The following CALN1 variants were observed in gnomAD, a reference collection of about 807,000 sequenced individuals.
The protein encoded by CALN1 is calneuron 1, also known as calcium-binding protein 8.
CALN1 carries 17 observed loss-of-function variants against 30.6 expected under a neutral mutation model. The ratio of observed to expected loss-of-function variants is 0.56; its 90% CI spans 0.38 to 0.83. CALN1 has a LOEUF of 0.83. Among genes scored for constraint, CALN1 ranks in the 40% least tolerant of loss-of-function variants. CALN1 has a pLI of 0.00. For synonymous variants in CALN1, 156 were observed against 131.4 expected, an observed-to-expected ratio of 1.19 and a Z score of -1.28; for missense variants, 291 against 354.9, an observed-to-expected ratio of 0.82 and a Z score of 1.45.
chr7:72,050,685 T>C (rs1054684658), intron 4 of CALN1, among the ~76,000 whole-genome samples: 1 of 152,188 alleles, frequency 6.6e-6, no homozygotes, highest in Non-Finnish European at 1.5e-5. Flanking sequence ...TTTTCAGATG[T>C]AATTCATAAC....
At chr7:71,793,316 C>CAA (rs1005946042) in intron 6 of CALN1, among the ~76,000 whole-genome samples, 3 of 149,968 alleles carry the variant, frequency 2.0e-5, no homozygotes, top group Admixed American at 1.3e-4. Flanking sequence ...CAAAACAAAA[C>CAA]AAAAAAAAAG....
intron 3 of CALN1, among the ~76,000 whole-genome samples, chr7:72,273,813 A>G (rs1363697050): frequency 6.6e-6 from 1 of 152,062 alleles, no homozygotes; most frequent in Non-Finnish European, 1.5e-5. Context: ...GTGCCTGGCC[A>G]AAGTTAGACT....
chr7:72,191,552 CAAAAAAAAAA>C lies in CALN1; in HGVS notation c.245-85268_245-85259del, dbSNP rs55780039. On this transcript the variant is annotated intron_variant, in intron 3 of 6. Transcript: ENST00000395275. Reference sequence around the variant, plus strand: ...AGGAGGCAGAGGTGAGACTCCGTCTCAAAAAAAAAAAAAAAAAAAAAAAAAAGAATGGCAG... The same window carrying C: ...AGGAGGCAGAGGTGAGACTCCGTCTCAAAAAAAAAAAAAAAAGAATGGCAG... Among the ~76,000 whole-genome samples, 30 of 72,480 alleles carry C rather than the reference CAAAAAAAAAA, an allele frequency of 4.1e-4. 1 individual carries two copies. Among genetic ancestry groups the C allele is most frequent in the South Asian group, 9.7e-4 (2 of 2,068 alleles). The allele number at this position is 72,480 out of a possible 152,430, so 47.5% of individuals were successfully genotyped here. A position where few individuals can be genotyped will look rare whatever the true frequency, so the allele number is the denominator to read the frequency against.
intron 5 of CALN1, among the ~76,000 whole-genome samples, chr7:71,895,661 T>TG (rs1793495590): frequency 6.6e-6 from 1 of 152,294 alleles, no homozygotes; most frequent in Admixed American, 6.5e-5. Context: ...GTAAGAGTTA[T>TG]GACAGAATGA....
chr7:71,826,346 A>G (rs1223805909), intron 5 of CALN1, among the ~76,000 whole-genome samples: 2 of 152,170 alleles, frequency 1.3e-5, no homozygotes, highest in Non-Finnish European at 2.9e-5. Context: ...ATTGACTCCC[A>G]CAGTCTAGAA....
At chr7:72,380,019 G>T (rs1319264968) in intron 2 of CALN1, among the ~76,000 whole-genome samples, 1 of 152,226 alleles carries the variant, frequency 6.6e-6, no homozygotes, top group Non-Finnish European at 1.5e-5. Context: ...AATAGATGGA[G>T]AAGTATTATA....
At chr7:72,031,728 T>C (rs1801450328) in intron 4 of CALN1, among the ~76,000 whole-genome samples, 1 of 145,342 alleles carries the variant, frequency 6.9e-6, no homozygotes, top group Non-Finnish European at 1.5e-5. Context: ...CCACCACGCC[T>C]GGCTAATTTT....
At chr7:71,898,938 G>T (rs1237030189) in intron 5 of CALN1, among the ~76,000 whole-genome samples, 2 of 152,102 alleles carry the variant, frequency 1.3e-5, no homozygotes, top group African/African-American at 4.8e-5. Flanking sequence ...TTAGAAATTA[G>T]AAGACAAAAT....
chr7:71,903,645 AAAGACTCTTTTGGGT>A (rs148482717), intron 5 of CALN1, among the ~76,000 whole-genome samples: 10 of 152,330 alleles, frequency 6.6e-5, no homozygotes, highest in African/African-American at 2.2e-4. Context: ...TGGTCTGGGC[AAAGACTCTTTTGGGT>A]AAGACCTCAA....
intron 4 of CALN1, among the ~76,000 whole-genome samples, chr7:72,079,854 T>A (rs1805009663): frequency 7.3e-6 from 1 of 136,490 alleles, no homozygotes; most frequent in Non-Finnish European, 1.5e-5. Flanking sequence ...CACTGCAGCC[T>A]CCACCTCCTG....
At chr7:72,240,445 T>C (rs1274308958) in intron 3 of CALN1, among the ~76,000 whole-genome samples, 1 of 152,168 alleles carries the variant, frequency 6.6e-6, no homozygotes, top group East Asian at 1.9e-4. Context: ...TTCTCCAGCC[T>C]TGGCCTCCCA....
chr7:71,895,597 T>A (rs1163614497), intron 5 of CALN1, among the ~76,000 whole-genome samples: 2 of 152,188 alleles, frequency 1.3e-5, no homozygotes, highest in Non-Finnish European at 2.9e-5. Context: ...TTTTATGGGG[T>A]CTAAATTCTG....
intron 4 of CALN1, among the ~76,000 whole-genome samples, chr7:72,048,721 CTT>C (rs1336646220): frequency 1.4e-5 from 2 of 144,396 alleles, no homozygotes; most frequent in Admixed American, 6.8e-5. Flanking sequence ...CTTTTTCCCT[CTT>C]CTTTCCTTCC....
At chr7:71,874,241 C>G (rs1261746825) in intron 5 of CALN1, among the ~76,000 whole-genome samples, 1 of 147,190 alleles carries the variant, frequency 6.8e-6, no homozygotes, top group Non-Finnish European at 1.5e-5. Context: ...CACCACTGCA[C>G]TCCAGCCTGG....
chr7:72,288,077 C>T (rs561965178), intron 2 of CALN1, among the ~76,000 whole-genome samples: 1 of 151,874 alleles, frequency 6.6e-6, no homozygotes, highest in African/African-American at 2.4e-5. Context: ...TCAGGAGCTG[C>T]TTAAGCTGGG....
chr7:72,003,592 T>C (rs1469590203), intron 5 of CALN1, among the ~76,000 whole-genome samples: 1 of 152,168 alleles, frequency 6.6e-6, no homozygotes, highest in Non-Finnish European at 1.5e-5. Flanking sequence ...TGAATGTTAT[T>C]GTGAACTACA....
rs192189614 is a variant in CALN1, at chr7:72,270,042, A to G, written c.244+8644T>C. Among the ~76,000 whole-genome samples the G allele has an allele frequency of 5.3e-5, 8 of 152,260 alleles. No individual in the cohort carries two copies. The East Asian group carries it at 9.6e-4, about 18-fold the overall frequency. Reference sequence around the variant, plus strand: ...ATCTCACCAAAGAAATGGGAACTATAAAAAAGAACCAAATGAAAATTCTAG... The same window carrying G: ...ATCTCACCAAAGAAATGGGAACTATGAAAAAGAACCAAATGAAAATTCTAG... On this transcript the variant is annotated intron_variant, in intron 3 of 6. Transcript: ENST00000395275.
At chr7:71,830,969 G>A (rs1282124100) in intron 5 of CALN1, among the ~76,000 whole-genome samples, 1 of 152,178 alleles carries the variant, frequency 6.6e-6, no homozygotes, top group Non-Finnish European at 1.5e-5. Flanking sequence ...AAGCTCCTTT[G>A]TGTCACTTTT....
intron 2 of CALN1, among the ~76,000 whole-genome samples, chr7:72,304,133 G>T (rs1232638858): frequency 1.3e-5 from 2 of 152,268 alleles, no homozygotes; most frequent in Non-Finnish European, 2.9e-5. Flanking sequence ...CCGTCTTTCA[G>T]ACTGGGAGGT....
Sources: allele counts gnomAD v4.1 joint callset (sites outside exome capture counted in the v4.1 genomes callset), GRCh38; gene constraint gnomAD v4.1.1; transcripts MANE v1.5; gene names NCBI Gene and HGNC (gene_info 2026-07-23, HGNC 2026-07-21).